The following SLCO3A1 variants were observed in gnomAD, a reference collection of about 807,000 sequenced individuals.
SLCO3A1 encodes the protein PGE1 transporter.
In SLCO3A1, 27 loss-of-function variants were observed where a neutral mutation model predicts 63.1. The ratio of observed to expected loss-of-function variants is 0.43; its 90% CI spans 0.32 to 0.59. The LOEUF (loss-of-function observed/expected upper bound fraction) is 0.59. Ranked by LOEUF, SLCO3A1 falls within the 20% of genes least tolerant of loss-of-function variation. SLCO3A1 has a pLI of 0.09. For missense variants in SLCO3A1, 773 were observed against 945.8 expected, an observed-to-expected ratio of 0.82 and a Z score of 2.40; for synonymous variants, 473 against 409.9, an observed-to-expected ratio of 1.15 and a Z score of -1.86.
intron 1 of SLCO3A1, among the ~76,000 whole-genome samples, chr15:91,907,861 C>G (rs747950989): frequency 1.3e-5 from 2 of 152,172 alleles, no homozygotes; most frequent in Non-Finnish European, 2.9e-5. Context: ...CAGGCCGACT[C>G]TCACTCGCAG....
At chr15:92,149,546 C>A (rs183907672) in intron 8 of SLCO3A1, 1 of 152,280 alleles carries the variant, frequency 6.6e-6, no homozygotes, top group Non-Finnish European at 1.5e-5. Flanking sequence ...TTAGGCCCCA[C>A]GCTGGGCTCC....
At chr15:92,133,911 A>G (rs1339818909) in intron 7 of SLCO3A1, among the ~76,000 whole-genome samples, 1 of 152,238 alleles carries the variant, frequency 6.6e-6, no homozygotes, top group East Asian at 1.9e-4. Context: ...CCTTGGTACC[A>G]AAAAGGTTGG....
In SLCO3A1 at chr15:92,165,215, G is replaced by GAGAC. The variant is rs2048483974; in HGVS notation, c.*2083_*2086dup. 1 of 985,296 alleles carries GAGAC rather than the reference G, an allele frequency of 1.0e-6. No individual in the cohort carries two copies. Among genetic ancestry groups the GAGAC allele is most frequent in the African/African-American group, 1.7e-5 (1 of 57,216 alleles). 61.0% of individuals were successfully genotyped at this position (985,296 alleles called of 1,614,324 possible). A position where few individuals can be genotyped will look rare whatever the true frequency, so the allele number is the denominator to read the frequency against. On this transcript the variant is annotated 3_prime_UTR_variant, in exon 10 of 10. Transcript: ENST00000318445. ...CAGCTACCTGGGGCAGGATGCTTCT[G>GAGAC]AGACAGGCCTTTCAACTGCTTAGTG...
chr15:92,042,011 C>T (rs1234582436), intron 2 of SLCO3A1, among the ~76,000 whole-genome samples: 1 of 152,070 alleles, frequency 6.6e-6, no homozygotes, highest in Non-Finnish European at 1.5e-5. Context: ...CAGAATGCAC[C>T]TTCCAAAGAG....
chr15:91,916,189 C>G lies in SLCO3A1; in HGVS notation c.377C>G (p.Pro126Arg). 6.3e-7 allele frequency: 1 copy of G among 1,596,276 alleles called. No homozygotes were observed. The highest frequency in any genetic ancestry group is 8.5e-7 in the Non-Finnish European group (1 of 1,174,104). ...CTGGGCGCGCTGCTGTCGGCGCTGC[C>G]CGAGTTCCTGACCCACCAGTACAAG... ...MALGALLSAL[P>R]EFLTHQYKYE... Residue 126 changes from proline (P) to arginine (R), a missense_variant, in exon 2 of 10, where the codon CCC (proline) becomes CGC (arginine). By Grantham distance (103) the Pro-to-Arg change is moderately radical. Coordinates refer to ENST00000318445, the MANE Select transcript of SLCO3A1 (RefSeq NM_013272.4). This position sits in a 1 kb window ranked among gnomAD's most constrained non-coding sequence, Gnocchi z 6.2.
Position 92,163,287 on chromosome 15 carries a change from T to G in SLCO3A1, c.*152T>G. ...CAGACAGACACACCGACTTTGTCCT[T>G]TTTCTCAGCATCAGAGCCAGACAGG... is the stretch of plus-strand genomic sequence containing the variant. On this transcript the variant is annotated 3_prime_UTR_variant, in exon 10 of 10. Transcript: ENST00000318445. 2 of 1,305,240 alleles carry G rather than the reference T, an allele frequency of 1.5e-6. No individual in the cohort carries two copies. The highest frequency in any genetic ancestry group is 1.9e-6 in the Non-Finnish European group (2 of 1,031,630). The allele number at this position is 1,305,240 out of a possible 1,614,324, so 80.9% of individuals were successfully genotyped here. A position where few individuals can be genotyped will look rare whatever the true frequency, so the allele number is the denominator to read the frequency against.
At chr15:92,073,855 A>G (rs2151517177) in intron 2 of SLCO3A1, among the ~76,000 whole-genome samples, 1 of 152,384 alleles carries the variant, frequency 6.6e-6, no homozygotes, top group East Asian at 1.9e-4. Context: ...CCACTGGTTA[A>G]GAACCACTGC....
chr15:92,095,036 A>T, intron 3 of SLCO3A1, 57 bp downstream of exon 3: 2 of 1,197,716 alleles, frequency 1.7e-6, no homozygotes, highest in Non-Finnish European at 2.5e-6. Flanking sequence ...TCCCTCATAA[A>T]TGCGGCTTCA....
chr15:91,875,193 T>C lies in SLCO3A1; in HGVS notation c.180+21105T>C, dbSNP rs2151337982. On this transcript the variant is annotated intron_variant, in intron 1 of 9. Transcript: ENST00000318445. The surrounding 1 kb of genome is among the most constrained non-coding windows in gnomAD (Gnocchi z 4.5). ...TCTACCATTTACTGAGCATCCGCTG[T>C]GTGTACCTGACACATGTCATCTCAT... Among the ~76,000 whole-genome samples the C allele has an allele frequency of 6.6e-6, 1 of 152,370 alleles. No homozygotes were observed. The highest frequency in any genetic ancestry group is 6.5e-5 in the Admixed American group (1 of 15,306).
chr15:92,154,026 A>G (rs1233782637), intron 9 of SLCO3A1, among the ~76,000 whole-genome samples: 1 of 152,334 alleles, frequency 6.6e-6, no homozygotes, highest in African/African-American at 2.4e-5. Flanking sequence ...CTTTAACCAG[A>G]GAGTGACAAG....
chr15:92,128,979 T>C (rs567309834), intron 7 of SLCO3A1, among the ~76,000 whole-genome samples: 8 of 152,222 alleles, frequency 5.3e-5, no homozygotes, highest in Non-Finnish European at 8.8e-5. Context: ...CCTGACACAT[T>C]TTTGGGAGGA....
At chr15:91,965,234 C>T (rs1900614342) in intron 2 of SLCO3A1, among the ~76,000 whole-genome samples, 1 of 152,208 alleles carries the variant, frequency 6.6e-6, no homozygotes, top group Admixed American at 6.5e-5. Context: ...CCCTCTCCCA[C>T]CACCAGCATC....
chr15:91,907,559 C>CT (rs1482179990), intron 1 of SLCO3A1, among the ~76,000 whole-genome samples: 1 of 151,742 alleles, frequency 6.6e-6, no homozygotes, highest in Non-Finnish European at 1.5e-5. Flanking sequence ...GAGTCTCACT[C>CT]TGTCACCCAG....
intron 2 of SLCO3A1, among the ~76,000 whole-genome samples, chr15:92,034,178 A>T (rs541118049): frequency 6.6e-6 from 1 of 151,342 alleles, no homozygotes; most frequent in African/African-American, 2.4e-5. Flanking sequence ...CAGGAGAGGG[A>T]TCCTGGAGAC....
chr15:92,056,619 G>A lies in SLCO3A1; in HGVS notation c.647-38262G>A, dbSNP rs570609003. ...TTTCTTGGACTTCCTTCTCTCCAAA[G>A]CCATGTTCCCTATAATTTCCCTTTC... On this transcript the variant is annotated intron_variant, in intron 2 of 9. Coordinates refer to ENST00000318445, the MANE Select transcript of SLCO3A1 (RefSeq NM_013272.4). 6.6e-5 allele frequency among the ~76,000 whole-genome samples: 10 copies of A among 152,270 alleles called. No individual in the cohort carries two copies. The South Asian group carries it at 2.1e-3, about 32-fold the overall frequency.
chr15:92,117,783 T>C (rs1022567840), intron 4 of SLCO3A1, among the ~76,000 whole-genome samples: 3 of 152,190 alleles, frequency 2.0e-5, no homozygotes, highest in Non-Finnish European at 1.5e-5. Context: ...ACTTGTAACA[T>C]CCAAGGGGCT....
intron 2 of SLCO3A1, among the ~76,000 whole-genome samples, chr15:92,016,250 TA>T (rs2046430329): frequency 1.8e-5 from 1 of 55,504 alleles, no homozygotes; most frequent in Non-Finnish European, 3.1e-5. Context: ...GATAGATAGA[TA>T]GATTAGATAG....
At chr15:91,899,724 C>G (rs1898104227) in intron 1 of SLCO3A1, among the ~76,000 whole-genome samples, 5 of 152,182 alleles carry the variant, frequency 3.3e-5, no homozygotes. Flanking sequence ...TTAAAACATT[C>G]CATCCTTCCA....
rs1316332643 is a variant in SLCO3A1 at position 91,886,231 on chromosome 15, A to AG, written c.181-29762_181-29761insG. On this transcript the variant is annotated intron_variant, in intron 1 of 9. Transcript: ENST00000318445. This position sits in a 1 kb window ranked among gnomAD's most constrained non-coding sequence, Gnocchi z 4.9. ...TGGAAAGTAGTAGCAGAGCACAAAA[A>AG]TCCACATTGGAAGCTTAGAGGATTG... Among the ~76,000 whole-genome samples, 3 of 152,238 alleles carry AG rather than the reference A, an allele frequency of 2.0e-5. No homozygotes were observed. Among genetic ancestry groups the AG allele is most frequent in the African/African-American group, 7.2e-5 (3 of 41,466 alleles).
Sources: gnomAD v4.1 joint callset for allele counts (sites outside exome capture counted in the v4.1 genomes callset) on GRCh38, gnomAD v4.1.1 for gene constraint, Gnocchi (gnomAD v3.1) non-coding constraint, MANE v1.5 for transcripts, NCBI Gene and HGNC (gene_info 2026-07-23, HGNC 2026-07-21) for gene names.